The following ATP7A variants were observed in gnomAD, a reference collection of about 807,000 sequenced individuals.
ATP7A encodes ATPase copper transporting alpha.
A neutral mutation model predicts 83.5 loss-of-function variants in ATP7A; 7 were observed. The ratio of observed to expected loss-of-function variants is 0.08; its 90% CI spans 0.05 to 0.16. The LOEUF (loss-of-function observed/expected upper bound fraction) is 0.16. Among genes scored for constraint, ATP7A ranks in the 10% least tolerant of loss-of-function variants. ATP7A has a pLI of 1.00. For missense variants in ATP7A, 940 were observed against 1,120.8 expected, an observed-to-expected ratio of 0.84 and a Z score of 2.30; for synonymous variants, 354 against 395.2, an observed-to-expected ratio of 0.90 and a Z score of 1.24.
chrX:78,017,445 C>T (rs2077873470), intron 12 of ATP7A, among the ~76,000 whole-genome samples: 1 of 112,305 alleles, frequency 8.9e-6, no homozygotes, highest in Non-Finnish European at 1.9e-5. Context: ...ACATTTGGCT[C>T]CTCGTTACTT....
chrX:78,007,494 T>C (rs782008163), intron 6 of ATP7A, among the ~76,000 whole-genome samples: 1 of 110,971 alleles, frequency 9.0e-6, no homozygotes, highest in Non-Finnish European at 1.9e-5. Flanking sequence ...CCCGGCTAAT[T>C]TTTTGTATTT....
intron 1 of ATP7A, among the ~76,000 whole-genome samples, chrX:77,958,945 C>T (rs1367437740): frequency 9.2e-6 from 1 of 109,076 alleles, no homozygotes; most frequent in African/African-American, 3.3e-5. Context: ...TGCACCATCA[C>T]ACTCAGCTAA....
At chrX:78,039,717 A>C (rs1170703087) in intron 18 of ATP7A, among the ~76,000 whole-genome samples, 1 of 112,349 alleles carries the variant, frequency 8.9e-6, no homozygotes, top group Non-Finnish European at 1.9e-5. Context: ...GTATTAGTAC[A>C]TATACCATTT....
At chrX:78,028,967 G>T (rs1400215758) in intron 14 of ATP7A, among the ~76,000 whole-genome samples, 5 of 111,984 alleles carry the variant, frequency 4.5e-5, no homozygotes, top group Admixed American at 1.9e-4. Flanking sequence ...TCTCACATTT[G>T]CAGCTATTTC....
intron 20 of ATP7A, 96 bp from the exon 21 acceptor site, chrX:78,043,221 A>T: frequency 1.6e-6 from 1 of 628,131 alleles, no homozygotes; most frequent in Non-Finnish European, 2.7e-6. Flanking sequence ...TATTACCCTA[A>T]GGTAGACGTA....
chrX:78,028,484 C>T (rs941344002), intron 14 of ATP7A, among the ~76,000 whole-genome samples: 3 of 111,813 alleles, frequency 2.7e-5, no homozygotes, highest in Admixed American at 1.9e-4. Context: ...CCACTGTGCC[C>T]GGCCATACCT....
intron 1 of ATP7A, among the ~76,000 whole-genome samples, chrX:77,937,678 A>C (rs2077327343): frequency 2.7e-5 from 3 of 111,998 alleles, no homozygotes; most frequent in Non-Finnish European, 5.6e-5. Flanking sequence ...GGTGAAAGAC[A>C]CCAGATACAA....
chrX:77,922,172 A>G (rs1245643002), intron 1 of ATP7A, among the ~76,000 whole-genome samples: 3 of 111,126 alleles, frequency 2.7e-5, no homozygotes, highest in Non-Finnish European at 5.7e-5. Flanking sequence ...AATGAAAAGA[A>G]ACATGCTGTA....
intron 1 of ATP7A, among the ~76,000 whole-genome samples, chrX:77,947,716 A>G (rs1156842355): frequency 3.9e-5 from 4 of 101,338 alleles, no homozygotes; most frequent in South Asian, 4.5e-4. Context: ...GATTACAGGC[A>G]TGAGCCACCA....
chrX:78,006,915 G>A (rs1441815290), intron 6 of ATP7A, among the ~76,000 whole-genome samples: 6 of 111,797 alleles, frequency 5.4e-5, no homozygotes, highest in African/African-American at 1.9e-4. Flanking sequence ...ATGGACAATT[G>A]GGTTGTTTCC....
intron 4 of ATP7A, among the ~76,000 whole-genome samples, chrX:77,993,994 A>G (rs1429037143): frequency 9.0e-6 from 1 of 111,382 alleles, no homozygotes; most frequent in Non-Finnish European, 1.9e-5. Context: ...AGACCCAAAG[A>G]TACAGGAGAA....
chrX:78,012,762 T>A (rs2077836020), intron 9 of ATP7A, 117 bp from the exon 10 acceptor site: 2 of 622,481 alleles, frequency 3.2e-6, no homozygotes, highest in African/African-American at 4.3e-5. Context: ...CTCCCTTTAG[T>A]GTTTATGGAT....
intron 1 of ATP7A, among the ~76,000 whole-genome samples, chrX:77,941,476 A>T (rs1258839415): frequency 9.0e-6 from 1 of 111,197 alleles, no homozygotes; most frequent in Non-Finnish European, 1.9e-5. Context: ...TCCTGGCCTC[A>T]AGTGATCCTT....
chrX:77,929,793 C>G (rs902204876), intron 1 of ATP7A, among the ~76,000 whole-genome samples: 8 of 110,366 alleles, frequency 7.2e-5, no homozygotes, highest in Non-Finnish European at 1.3e-4. Flanking sequence ...TTATTCTCCT[C>G]TCCTCCACCT....
chrX:77,919,916 T>A (rs2149041236), intron 1 of ATP7A, among the ~76,000 whole-genome samples: 1 of 112,558 alleles, frequency 8.9e-6, no homozygotes, highest in African/African-American at 3.2e-5. Context: ...ACCCATTAAA[T>A]AATAGCTTCT....
intron 7 of ATP7A, among the ~76,000 whole-genome samples, chrX:78,009,660 T>G (rs1441367409): frequency 2.7e-5 from 3 of 112,099 alleles, no homozygotes; most frequent in African/African-American, 9.7e-5. Flanking sequence ...AGTAAGAAAT[T>G]TAAAAGACTA....
chrX:77,941,060 G>T (rs989039003), intron 1 of ATP7A, among the ~76,000 whole-genome samples: 4 of 111,576 alleles, frequency 3.6e-5, no homozygotes, highest in Non-Finnish European at 5.7e-5. Context: ...TGTTGTTAGT[G>T]GGTATATAAA....
At chrX:77,923,570 T>TC (rs1336719611) in intron 1 of ATP7A, 1 of 109,471 alleles carries the variant, frequency 9.1e-6, no homozygotes, top group Non-Finnish European at 1.9e-5. Context: ...TCTTTTTTTT[T>TC]CTTTCTTTCT....
intron 7 of ATP7A, among the ~76,000 whole-genome samples, 154 bp from the exon 8 acceptor site, chrX:78,011,022 C>G (rs1373817930): frequency 1.2e-4 from 13 of 111,929 alleles, no homozygotes; most frequent in African/African-American, 4.2e-4. Context: ...CAAATGCAAT[C>G]AAGAGCAGGA....
Sources: gnomAD v4.1 joint callset for allele counts (sites outside exome capture counted in the v4.1 genomes callset) on GRCh38, gnomAD v4.1.1 for gene constraint, MANE v1.5 for transcripts, NCBI Gene and HGNC (gene_info 2026-07-23, HGNC 2026-07-21) for gene names.